WLS: variants seen among roughly 807,000 people sequenced by gnomAD.
WLS encodes the protein protein wntless homolog.
WLS carries 23 observed loss-of-function variants against 62.8 expected under a neutral mutation model. The ratio of observed to expected loss-of-function variants is 0.37; its 90% CI spans 0.26 to 0.52. The LOEUF (loss-of-function observed/expected upper bound fraction) is 0.52, where lower values mean the gene tolerates loss of function less well. Ranked by LOEUF, WLS falls within the 20% of genes least tolerant of loss-of-function variation. WLS has a pLI of 0.92. For missense variants in WLS, 615 were observed against 697.3 expected (o/e 0.88, Z 1.33); for synonymous variants, 246 against 244.1 (o/e 1.01, Z -0.07).
intron 11 of WLS, among the ~76,000 whole-genome samples, chr1:68,110,483 A>G (rs971174764): frequency 1.3e-5 from 2 of 152,128 alleles, no homozygotes; most frequent in African/African-American, 4.8e-5. Context: ...ATTAAATAAA[A>G]AACCAAATGT....
chr1:68,149,530 TGTGAAGCCCATGTGCCTGAC>T (rs1646797536), intron 6 of WLS, among the ~76,000 whole-genome samples: 1 of 152,236 alleles, frequency 6.6e-6, no homozygotes, highest in South Asian at 2.1e-4. Context: ...TCCACTCTGC[TGTGAAGCCCATGTGCCTGAC>T]GTGAAGACCA....
chr1:68,163,791 C>T (rs1247707444), intron 2 of WLS, among the ~76,000 whole-genome samples: 1 of 152,174 alleles, frequency 6.6e-6, no homozygotes, highest in Non-Finnish European at 1.5e-5. Flanking sequence ...CCCACCTCCT[C>T]CAGGGCTGCG....
intron 1 of WLS, among the ~76,000 whole-genome samples, chr1:68,200,184 T>C (rs1396616898): frequency 6.6e-6 from 1 of 152,116 alleles, no homozygotes; most frequent in African/African-American, 2.4e-5. Context: ...AGAATTTATC[T>C]AACAAAAATG....
downstream of WLS, among the ~76,000 whole-genome samples, chr1:68,122,576 A>G (rs984262684): frequency 5.9e-5 from 9 of 152,198 alleles, no homozygotes; most frequent in African/African-American, 2.2e-4. Flanking sequence ...TTTTTTAAAA[A>G]CAGACATCTG....
chr1:68,163,109 ACT>A (rs1647006798), intron 2 of WLS: 1 of 1,526,150 alleles, frequency 6.6e-7, no homozygotes, highest in African/African-American at 1.4e-5. Context: ...GAACTTTGCA[ACT>A]CTCAGATCAA....
chr1:68,144,464 T>C (rs191960425), intron 10 of WLS, 105 bp downstream of exon 10: 6 of 1,113,120 alleles, frequency 5.4e-6, no homozygotes, highest in Non-Finnish European at 6.3e-6. Flanking sequence ...TGTCCAGAAT[T>C]ATGGCCTCTC....
In WLS at chr1:68,137,928, C is replaced by T. The variant is rs762478012; in HGVS notation, c.1368G>A (p.Thr456=). The change falls in exon 11 of 12, where the codon ACG becomes ACA. Residue 456 remains threonine (T), a synonymous_variant. Transcript: ENST00000262348. ...TVIFFIVSQV[T]EGHWKWGGVT... ...CGCCGCCCCATTTCCAATGGCCTTC[C>T]GTTACCTGCGGAGAAAGGATGGTGA... 19 of 1,613,630 alleles carry T rather than the reference C, an allele frequency of 1.2e-5. No homozygotes were observed. The highest frequency in any genetic ancestry group is 1.6e-4 in the Middle Eastern group (1 of 6,078).
chr1:68,115,524 C>G (rs959575), intron 11 of WLS, among the ~76,000 whole-genome samples: 1 of 152,166 alleles, frequency 6.6e-6, no homozygotes, highest in Non-Finnish European at 1.5e-5. Context: ...CTGTGTGACA[C>G]AGGGCAAGTC....
intron 2 of WLS, among the ~76,000 whole-genome samples, chr1:68,173,978 A>T (rs1303837808): frequency 1.3e-5 from 2 of 152,232 alleles, no homozygotes; most frequent in African/African-American, 4.8e-5. Context: ...TGCATCATTA[A>T]GGGGCAGAAA....
At chr1:68,203,954 C>T (rs1040553288) in intron 1 of WLS, among the ~76,000 whole-genome samples, 23 of 152,166 alleles carry the variant, frequency 1.5e-4, no homozygotes, top group Non-Finnish European at 2.9e-5. Flanking sequence ...CCTATCCATG[C>T]ATATGGTATG....
chr1:68,155,575 C>T (rs912834040), intron 3 of WLS, among the ~76,000 whole-genome samples: 2 of 152,156 alleles, frequency 1.3e-5, no homozygotes, highest in Non-Finnish European at 2.9e-5. Flanking sequence ...ATTAGAACCT[C>T]GCATCTTACG....
intron 2 of WLS, among the ~76,000 whole-genome samples, chr1:68,169,608 T>C (rs533307443): frequency 6.6e-6 from 1 of 152,308 alleles, no homozygotes; most frequent in East Asian, 1.9e-4. Flanking sequence ...TTTGGTCAAC[T>C]CTACTAGGTG....
At chr1:68,118,993 C>G (rs764684259) in intron 11 of WLS, among the ~76,000 whole-genome samples, 44 of 149,296 alleles carry the variant, frequency 2.9e-4, no homozygotes, top group Non-Finnish European at 4.4e-4. Flanking sequence ...GATACTAAGG[C>G]AACAATCAGT....
chr1:68,218,271 T>C (rs548066965), intron 1 of WLS, among the ~76,000 whole-genome samples: 1 of 152,308 alleles, frequency 6.6e-6, no homozygotes, highest in South Asian at 2.1e-4. Flanking sequence ...TTTAATTACT[T>C]TAACATCATT....
intron 11 of WLS, among the ~76,000 whole-genome samples, chr1:68,110,691 C>CTCT (rs1646216406): frequency 3.5e-5 from 5 of 143,064 alleles, no homozygotes; most frequent in African/African-American, 1.3e-4. Context: ...CTCTCTCTCT[C>CTCT]CATATATATA....
chr1:68,120,501 A>G (rs1385709927), downstream of WLS, among the ~76,000 whole-genome samples: 3 of 152,196 alleles, frequency 2.0e-5, no homozygotes, highest in African/African-American at 7.2e-5. Context: ...AAGACACTGA[A>G]GTTCACAGAC....
chr1:68,163,408 G>A (rs1303314665), intron 2 of WLS, among the ~76,000 whole-genome samples: 1 of 150,246 alleles, frequency 6.7e-6, no homozygotes, highest in Admixed American at 6.6e-5. Context: ...ACCCTGCGGC[G>A]GTGGCGGTGG....
intron 11 of WLS, among the ~76,000 whole-genome samples, chr1:68,100,423 CAG>C (rs149574511): frequency 0.014 from 2,161 of 152,240 alleles, 51 homozygotes; most frequent in African/African-American, 0.049. Context: ...TCCTAAAGGA[CAG>C]AGAGCAAAGA....
chr1:68,103,498 C>G (rs1362405264), intron 11 of WLS, among the ~76,000 whole-genome samples: 6 of 152,178 alleles, frequency 3.9e-5, no homozygotes, highest in Non-Finnish European at 7.3e-5. Flanking sequence ...TTATGCAGTT[C>G]TTCTCTTCTT....
Sources: allele counts gnomAD v4.1 joint callset (sites outside exome capture counted in the v4.1 genomes callset), GRCh38; gene constraint gnomAD v4.1.1; transcripts MANE v1.5; gene names NCBI Gene and HGNC (gene_info 2026-07-23, HGNC 2026-07-21).